Variants in ZNF728 observed in about 807,000 individuals in gnomAD.
ZNF728 encodes zinc finger protein 728.
Under a neutral mutation model 12.5 loss-of-function variants are expected in ZNF728, and 12 were observed. The observed-to-expected ratio is 0.96, with a 90% CI of 0.61 to 1.55. The LOEUF (loss-of-function observed/expected upper bound fraction) is 1.55. ZNF728 is among the 40% of genes most tolerant of loss of function. ZNF728 has a pLI of 0.00. For missense variants in ZNF728, 692 were observed against 719.2 expected, an observed-to-expected ratio of 0.96 and a Z score of 0.43; for synonymous variants, 205 against 240.7, an observed-to-expected ratio of 0.85 and a Z score of 1.37.
chr19:22,984,254 GA>G (rs1411586181), intron 3 of ZNF728, among the ~76,000 whole-genome samples: 1 of 148,350 alleles, frequency 6.7e-6, no homozygotes, highest in African/African-American at 2.5e-5. Flanking sequence ...TACAATAATA[GA>G]AAAAAATTGA....
At chr19:22,987,210 T>A (rs1968925499) in intron 3 of ZNF728, 98 bp downstream of exon 3, 1 of 1,123,278 alleles carries the variant, frequency 8.9e-7, no homozygotes, top group African/African-American at 1.6e-5. Flanking sequence ...CCAGAAACTA[T>A]TTCTTTTGGA....
intron 1 of ZNF728, among the ~76,000 whole-genome samples, chr19:23,001,420 T>G (rs529632381): frequency 2.6e-5 from 4 of 152,228 alleles, no homozygotes; most frequent in African/African-American, 9.6e-5. Flanking sequence ...TATCTCAGGT[T>G]GTCTTATGGG....
At chr19:22,997,179 C>T (rs895973730) in intron 1 of ZNF728, among the ~76,000 whole-genome samples, 2 of 152,136 alleles carry the variant, frequency 1.3e-5, no homozygotes, top group African/African-American at 2.4e-5. Context: ...CAGAACTCTT[C>T]ATCTAAAAAT....
chr19:23,001,585 G>A (rs1969114410), intron 1 of ZNF728, among the ~76,000 whole-genome samples: 2 of 152,206 alleles, frequency 1.3e-5, no homozygotes, highest in East Asian at 1.9e-4. Flanking sequence ...AAAAACTGAA[G>A]GGTGGCTGAG....
chr19:22,996,976 A>G (rs1969057444), intron 1 of ZNF728, among the ~76,000 whole-genome samples: 2 of 152,194 alleles, frequency 1.3e-5, no homozygotes, highest in South Asian at 4.1e-4. Flanking sequence ...GAAAGATGTT[A>G]TTAAGAAACC....
chr19:23,002,893 G>A, intron 1 of ZNF728, 135 bp downstream of exon 1: 1 of 1,200,480 alleles, frequency 8.3e-7, no homozygotes, highest in Non-Finnish European at 1.2e-6. Context: ...GACTGAGGTC[G>A]AGCTAGGCAA....
At chr19:22,979,426 G>A (rs768907354) in intron 3 of ZNF728, among the ~76,000 whole-genome samples, 23 of 152,138 alleles carry the variant, frequency 1.5e-4, no homozygotes, top group Non-Finnish European at 2.6e-4. Flanking sequence ...ATGGAACCAA[G>A]TTGGAAAACA....
At position 22,976,648 on chromosome 19, in the gene ZNF728, C is replaced by T; in HGVS notation, c.689G>A (p.Cys230Tyr). Reference sequence around the variant, plus strand: ...ACTAAAGGCTTTGCCACATTCTTCACATTTGCAGGGTTTCTCTCCAGTATG... The same window carrying T: ...ACTAAAGGCTTTGCCACATTCTTCATATTTGCAGGGTTTCTCTCCAGTATG... ...RIHTGEKPCK[C>Y]EECGKAFSKF... The change falls in exon 4 of 4, where the codon TGT becomes TAT. Residue 230 changes from cysteine to tyrosine, a missense_variant. Physicochemically the swap from Cys to Tyr is radical, Grantham distance 194. Coordinates refer to ENST00000594710, the MANE Select transcript of ZNF728 (RefSeq NM_001267716.2). 9 of 1,611,842 alleles carry T rather than the reference C, an allele frequency of 5.6e-6. No individual in the cohort carries two copies. The highest frequency in any genetic ancestry group is 7.6e-6 in the Non-Finnish European group (9 of 1,178,804).
chr19:22,990,633 C>T (rs1422137588), intron 1 of ZNF728, among the ~76,000 whole-genome samples: 2 of 152,060 alleles, frequency 1.3e-5, no homozygotes. Flanking sequence ...CTTGGACCAC[C>T]CTTTAATGCA....
chr19:23,000,431 CTG>C (rs939638719), intron 1 of ZNF728, among the ~76,000 whole-genome samples: 7 of 151,592 alleles, frequency 4.6e-5, no homozygotes, highest in Middle Eastern at 3.5e-3. Context: ...TAAATTCACT[CTG>C]AGAAAGAAAA....
At chr19:22,982,272 CAA>C (rs1968868189) in intron 3 of ZNF728, among the ~76,000 whole-genome samples, 1 of 152,084 alleles carries the variant, frequency 6.6e-6, no homozygotes, top group Non-Finnish European at 1.5e-5. Context: ...ACAATTGCTA[CAA>C]AGAGAATAAA....
intron 1 of ZNF728, among the ~76,000 whole-genome samples, chr19:23,001,825 G>A (rs1036709847): frequency 6.6e-6 from 1 of 152,174 alleles, no homozygotes; most frequent in Non-Finnish European, 1.5e-5. Flanking sequence ...GGGAATGTCA[G>A]AAGGAAGTGA....
At chr19:22,999,962 A>G (rs1408972213) in intron 1 of ZNF728, among the ~76,000 whole-genome samples, 1 of 152,240 alleles carries the variant, frequency 6.6e-6, no homozygotes, top group Non-Finnish European at 1.5e-5. Flanking sequence ...TTGTGGAAAT[A>G]CATTAATTCT....
chr19:22,983,501 G>A (rs289309), intron 3 of ZNF728, among the ~76,000 whole-genome samples: 46,551 of 152,056 alleles, frequency 0.31, 9,244 homozygotes, highest in African/African-American at 0.57. Context: ...CAATCCCATT[G>A]CTGGGTATAT....
chr19:22,995,844 CT>C (rs1363995915), intron 1 of ZNF728: 1 of 152,174 alleles, frequency 6.6e-6, no homozygotes, highest in Non-Finnish European at 1.5e-5. Flanking sequence ...TCCAGTAGCA[CT>C]TTTTTATAAA....
In ZNF728 at chr19:22,981,781, CAT is replaced by C. The variant is rs1285359560; in HGVS notation, c.227-4673_227-4672del. 3.9e-5 allele frequency among the ~76,000 whole-genome samples: 6 copies of C among 152,298 alleles called. No individual in the cohort carries two copies. In the East Asian group the frequency reaches 7.7e-4, roughly 20 times the overall value. On this transcript the variant is annotated intron_variant, in intron 3 of 3. Coordinates refer to ENST00000594710, the MANE Select transcript of ZNF728 (RefSeq NM_001267716.2). ...AAACAGGAACCAATGATAAAAACCACATGATTATCTCAATAGATGCAGAAAAG... is the reference window on the plus strand; with the variant it reads ...AAACAGGAACCAATGATAAAAACCACGATTATCTCAATAGATGCAGAAAAG...
intron 1 of ZNF728, among the ~76,000 whole-genome samples, chr19:23,000,147 T>C (rs1317987140): frequency 2.0e-5 from 3 of 152,048 alleles, no homozygotes; most frequent in African/African-American, 7.2e-5. Context: ...GGCAGGTGGA[T>C]CATGAGGTCA....
chr19:22,996,058 C>T (rs570625362), intron 1 of ZNF728, among the ~76,000 whole-genome samples: 5 of 152,016 alleles, frequency 3.3e-5, no homozygotes, highest in Admixed American at 6.6e-5. Context: ...GCATGTCAGA[C>T]TAATATCTAC....
intron 1 of ZNF728, among the ~76,000 whole-genome samples, chr19:22,996,035 G>A (rs1476954863): frequency 6.6e-6 from 1 of 151,880 alleles, no homozygotes; most frequent in Non-Finnish European, 1.5e-5. Flanking sequence ...TATTCCCACT[G>A]GATAAATTAA....
Sources: allele counts gnomAD v4.1 joint callset (sites outside exome capture counted in the v4.1 genomes callset), GRCh38; gene constraint gnomAD v4.1.1; transcripts MANE v1.5; gene names NCBI Gene and HGNC (gene_info 2026-07-23, HGNC 2026-07-21).